VEPH1: variants seen among roughly 807,000 people sequenced by gnomAD.
VEPH1 encodes the protein ventricular zone expressed PH domain containing 1.
A neutral mutation model predicts 85.2 loss-of-function variants in VEPH1; 80 were observed. That is an observed-to-expected ratio of 0.94 (90% CI 0.78 to 1.13). VEPH1 has a LOEUF of 1.13. Ranked by LOEUF, VEPH1 falls within the 50% of genes most tolerant of loss-of-function variation. The probability of loss-of-function intolerance (pLI) is 0.00; values close to 1 mark genes in which losing one functional copy is unlikely to be tolerated. For missense variants in VEPH1, 955 were observed against 980.5 expected (o/e 0.97, Z 0.35); for synonymous variants, 297 against 348.0 (o/e 0.85, Z 1.63).
intron 9 of VEPH1, among the ~76,000 whole-genome samples, chr3:157,348,165 C>A (rs1417041076): frequency 2.6e-5 from 4 of 152,156 alleles, no homozygotes; most frequent in Non-Finnish European, 4.4e-5. Flanking sequence ...GAGAACCCTG[C>A]CTTGAGCTGA....
At chr3:157,479,923 C>T (rs1301604590) in intron 2 of VEPH1, among the ~76,000 whole-genome samples, 1 of 152,172 alleles carries the variant, frequency 6.6e-6, no homozygotes, top group Admixed American at 6.5e-5. Context: ...TACCATAACC[C>T]TAAAAGCCAG....
intron 5 of VEPH1, among the ~76,000 whole-genome samples, chr3:157,417,943 T>G (rs895463086): frequency 1.3e-5 from 2 of 152,140 alleles, no homozygotes; most frequent in South Asian, 2.1e-4. Context: ...GCCCCATCCC[T>G]TCTCTTCTAT....
At chr3:157,399,676 A>C (rs990332789) in intron 6 of VEPH1, among the ~76,000 whole-genome samples, 9 of 152,184 alleles carry the variant, frequency 5.9e-5, no homozygotes, top group African/African-American at 9.6e-5. Flanking sequence ...ATGCTATTTT[A>C]GCCTTAAAAT....
At chr3:157,437,019 A>G in intron 4 of VEPH1, 1 of 1,614,030 alleles carries the variant, frequency 6.2e-7, no homozygotes, top group Non-Finnish European at 8.5e-7. Flanking sequence ...ATGTATGTGA[A>G]TTTGGACAAC....
chr3:157,265,629 C>A lies in VEPH1; in HGVS notation c.2162G>T (p.Gly721Val). The A allele has an allele frequency of 6.2e-7, 1 of 1,613,580 alleles. No individual in the cohort carries two copies. Among genetic ancestry groups the A allele is most frequent in the Non-Finnish European group, 8.5e-7 (1 of 1,179,688 alleles). The change falls in exon 13 of 14, where the codon GGA (glycine) becomes GTA (valine). Residue 721 changes from glycine (G) to valine (V), a missense_variant. Gly to Val is a moderately radical substitution (Grantham distance 109). Coordinates refer to ENST00000362010, the MANE Select transcript of VEPH1 (RefSeq NM_001167912.2). ...TCTGACTTGCTTCTCTTTAAGTTTT[C>A]CTTCTATGAGAGGCTGGCCATCTTG... The part of the protein sequence containing the change: ...VNQDGQPLIE[G>V]KLKEKQVRWK...
intron 11 of VEPH1, among the ~76,000 whole-genome samples, chr3:157,312,606 T>G (rs1208270708): frequency 2.6e-5 from 4 of 152,192 alleles, no homozygotes; most frequent in Non-Finnish European, 4.4e-5. Context: ...GATATTATCA[T>G]CCAGTTAGCC....
At chr3:157,298,002 C>A (rs1262465486) in intron 11 of VEPH1, among the ~76,000 whole-genome samples, 2 of 152,016 alleles carry the variant, frequency 1.3e-5, no homozygotes, top group African/African-American at 2.4e-5. Context: ...CCATGGCACT[C>A]AGTTCTTACT....
At chr3:157,393,720 A>AC (rs1358611415) in intron 6 of VEPH1, among the ~76,000 whole-genome samples, 2 of 152,088 alleles carry the variant, frequency 1.3e-5, no homozygotes, top group East Asian at 3.9e-4. Flanking sequence ...GCCCCTTCCT[A>AC]CCCCATCTCT....
At chr3:157,363,282 G>T in intron 9 of VEPH1, 82 bp downstream of exon 9, 1 of 1,330,778 alleles carries the variant, frequency 7.5e-7, no homozygotes, top group Non-Finnish European at 1.0e-6. Flanking sequence ...AAAAGAGTAT[G>T]CTAATTTACC....
At position 157,442,305 on chromosome 3, in the gene VEPH1, G is replaced by C. The variant is rs943536088; in HGVS notation, c.530-13817C>G. Reference sequence around the variant, plus strand: ...TTCTTATGTTAAATAACTAATGCCAGAATAATTCTGAATTAATTTATATTT... The same window carrying C: ...TTCTTATGTTAAATAACTAATGCCACAATAATTCTGAATTAATTTATATTT... On this transcript the variant is annotated intron_variant, in intron 4 of 13. Coordinates refer to ENST00000362010, the MANE Select transcript of VEPH1 (RefSeq NM_001167912.2). 5.8e-6 allele frequency: 8 copies of C among 1,370,020 alleles called. No individual in the cohort carries two copies. The East Asian group carries it at 2.0e-4, about 35-fold the overall frequency. The allele number at this position is 1,370,020 out of a possible 1,614,324, so 84.9% of individuals were successfully genotyped here. A position where few individuals can be genotyped will look rare whatever the true frequency, so the allele number is the denominator to read the frequency against.
rs144801682 is a variant in VEPH1 at position 157,424,749 on chromosome 3, C to T, written c.696+3573G>A. On this transcript the variant is annotated intron_variant, in intron 5 of 13. Transcript: ENST00000362010. ...GGTATCTGGCAAATAAATTTCTAAG[C>T]AGCAAAGCATTCAAGAGGTGACTTG... 8.9e-3 allele frequency among the ~76,000 whole-genome samples: 1,359 copies of T among 152,212 alleles called. 7 individuals carry two copies. Among genetic ancestry groups the T allele is most frequent in the Admixed American group, 0.015 (228 of 15,288 alleles).
intron 9 of VEPH1, among the ~76,000 whole-genome samples, chr3:157,359,364 A>G (rs1433481833): frequency 6.6e-6 from 1 of 152,228 alleles, no homozygotes; most frequent in Admixed American, 6.5e-5. Context: ...AATAAATACA[A>G]TCAGCCAGTG....
chr3:157,494,530 G>C (rs1739495658), intron 2 of VEPH1, among the ~76,000 whole-genome samples: 1 of 152,200 alleles, frequency 6.6e-6, no homozygotes, highest in African/African-American at 2.4e-5. Context: ...ACATTGAAGA[G>C]AAGCGAAGGA....
At chr3:157,264,442 C>T (rs1158866963) in intron 13 of VEPH1, among the ~76,000 whole-genome samples, 2 of 152,172 alleles carry the variant, frequency 1.3e-5, no homozygotes, top group African/African-American at 4.8e-5. Flanking sequence ...CATAGTAAAT[C>T]TCGTATATGT....
intron 6 of VEPH1, among the ~76,000 whole-genome samples, chr3:157,394,266 C>T (rs903161130): frequency 1.3e-5 from 2 of 152,068 alleles, no homozygotes; most frequent in Non-Finnish European, 2.9e-5. Flanking sequence ...GTAGTAGTAC[C>T]ATGTAAAGCC....
chr3:157,486,936 G>A (rs375959319), intron 2 of VEPH1, among the ~76,000 whole-genome samples: 4 of 151,980 alleles, frequency 2.6e-5, no homozygotes, highest in East Asian at 3.8e-4. Flanking sequence ...GTGAGTCAGA[G>A]GAAGTCACAA....
At chr3:157,327,083 G>A (rs1721986492) in intron 9 of VEPH1, among the ~76,000 whole-genome samples, 2 of 152,168 alleles carry the variant, frequency 1.3e-5, no homozygotes, top group Non-Finnish European at 2.9e-5. Flanking sequence ...TCTCACACCA[G>A]TGGGCACTGA....
intron 12 of VEPH1, among the ~76,000 whole-genome samples, chr3:157,284,071 T>C (rs1568612): frequency 0.67 from 102,604 of 152,056 alleles, 34,841 homozygotes; most frequent in Admixed American, 0.75. Context: ...GAAACAGCCC[T>C]AATCTTCATT....
chr3:157,408,297 A>G (rs1043888476), intron 6 of VEPH1, among the ~76,000 whole-genome samples: 2 of 152,106 alleles, frequency 1.3e-5, no homozygotes, highest in Admixed American at 1.3e-4. Flanking sequence ...CTTTATTCTC[A>G]TCTTTCACCT....
Sources: gnomAD v4.1 joint callset for allele counts (sites outside exome capture counted in the v4.1 genomes callset) on GRCh38, gnomAD v4.1.1 for gene constraint, MANE v1.5 for transcripts, NCBI Gene and HGNC (gene_info 2026-07-23, HGNC 2026-07-21) for gene names.